The following POLK variants were observed in gnomAD, a reference collection of about 807,000 sequenced individuals.
POLK encodes polymerase (DNA directed) kappa.
POLK carries 76 observed loss-of-function variants against 94.0 expected under a neutral mutation model. The observed-to-expected ratio is 0.81, with a 90% CI of 0.67 to 0.98. POLK has a LOEUF of 0.98. POLK is among the 50% of genes least tolerant of loss of function. POLK has a pLI of 0.00. For synonymous variants in POLK, 349 were observed against 325.4 expected (o/e 1.07, Z -0.78); for missense variants, 954 against 1,010.1 (o/e 0.94, Z 0.75).
chr5:75,544,169 T>A (rs1292323051), intron 1 of POLK, among the ~76,000 whole-genome samples: 1 of 152,166 alleles, frequency 6.6e-6, no homozygotes, highest in Non-Finnish European at 1.5e-5. Flanking sequence ...AAGCAATTAA[T>A]ATATGTGAAG....
At chr5:75,550,361 C>T (rs5744593) in intron 2 of POLK, among the ~76,000 whole-genome samples, 2,175 of 152,016 alleles carry the variant, frequency 0.014, 50 homozygotes, top group African/African-American at 0.049. Flanking sequence ...GGTGGATCAC[C>T]GGAGGTCAGG....
At chr5:75,590,505 AG>A (rs1561407073) in intron 11 of POLK, 65 bp downstream of exon 11, 1 of 865,672 alleles carries the variant, frequency 1.2e-6, no homozygotes, top group Admixed American at 1.8e-5. Flanking sequence ...CTACCTTAAA[AG>A]CTAGAGTTAG....
chr5:75,569,541 A>G (rs2112761162), intron 4 of POLK, 49 bp downstream of exon 4: 1 of 1,477,532 alleles, frequency 6.8e-7, no homozygotes, highest in South Asian at 1.2e-5. Context: ...GTACTCAAGT[A>G]AGCTTTACTG....
chr5:75,593,805 C>A (rs946324997), intron 11 of POLK, 73 bp from the exon 12 acceptor site: 1 of 847,430 alleles, frequency 1.2e-6, no homozygotes, highest in Non-Finnish European at 1.8e-6. Flanking sequence ...GCTGTGCCAG[C>A]GCACTCCAGC....
At chr5:75,542,339 C>A (rs1183420007) in intron 1 of POLK, among the ~76,000 whole-genome samples, 1 of 151,934 alleles carries the variant, frequency 6.6e-6, no homozygotes, top group Non-Finnish European at 1.5e-5. Flanking sequence ...CTCTCCCTTT[C>A]CCCCATCCCC....
At chr5:75,525,409 T>A (rs1214890802) in intron 1 of POLK, among the ~76,000 whole-genome samples, 3 of 151,874 alleles carry the variant, frequency 2.0e-5, no homozygotes, top group Non-Finnish European at 4.4e-5. Flanking sequence ...AATAGCAAAA[T>A]GGAAATGACA....
chr5:75,577,003 A>G, intron 6 of POLK, 70 bp downstream of exon 6: 1 of 914,334 alleles, frequency 1.1e-6, no homozygotes, highest in Non-Finnish European at 1.6e-6. Flanking sequence ...CTTTGAATTA[A>G]TCCAATTAAT....
At chr5:75,603,167 C>G (rs1391730081), downstream of POLK, among the ~76,000 whole-genome samples, 1 of 152,176 alleles carries the variant, frequency 6.6e-6, no homozygotes, top group African/African-American at 2.4e-5. Flanking sequence ...TTGTTTACTA[C>G]TCCTTACTTT....
chr5:75,555,024 T>C (rs1405468686), intron 3 of POLK, among the ~76,000 whole-genome samples: 1 of 152,132 alleles, frequency 6.6e-6, no homozygotes, highest in East Asian at 1.9e-4. Context: ...CACAGCAAAA[T>C]TGAATAAAAG....
upstream of POLK, among the ~76,000 whole-genome samples, chr5:75,510,817 T>C (rs1392268927): frequency 2.0e-5 from 3 of 152,098 alleles, no homozygotes; most frequent in African/African-American, 7.2e-5. Flanking sequence ...CCCGGATTCC[T>C]TACACCCGGG....
intron 1 of POLK, among the ~76,000 whole-genome samples, chr5:75,545,468 G>A (rs1259543493): frequency 6.6e-6 from 1 of 152,112 alleles, no homozygotes. Flanking sequence ...GTTATGATGG[G>A]CAATTCATTC....
intron 8 of POLK, among the ~76,000 whole-genome samples, chr5:75,583,827 C>G (rs1158757779): frequency 1.3e-5 from 2 of 151,744 alleles, no homozygotes; most frequent in African/African-American, 4.8e-5. Flanking sequence ...AATATTTTGC[C>G]ATTTTTAAAA....
chr5:75,592,560 T>C (rs1238253489), intron 11 of POLK, among the ~76,000 whole-genome samples: 5 of 151,710 alleles, frequency 3.3e-5, no homozygotes, highest in Admixed American at 6.6e-5. Flanking sequence ...CTAAAAATGG[T>C]GGCGGGCACC....
At chr5:75,542,928 G>A (rs1472952024) in intron 1 of POLK, among the ~76,000 whole-genome samples, 1 of 150,294 alleles carries the variant, frequency 6.7e-6, no homozygotes, top group Admixed American at 6.7e-5. Context: ...GGCCAGGCTG[G>A]TCTCGAACCC....
At chr5:75,581,541 T>C in intron 7 of POLK, 93 bp downstream of exon 7, 1 of 1,071,036 alleles carries the variant, frequency 9.3e-7, no homozygotes, top group Non-Finnish European at 1.4e-6. Flanking sequence ...ATAAAGTATA[T>C]AGTAACATTT....
At chr5:75,568,076 A>G (rs553194409) in intron 3 of POLK, among the ~76,000 whole-genome samples, 100 of 152,320 alleles carry the variant, frequency 6.6e-4, no homozygotes, top group Admixed American at 6.5e-3. Flanking sequence ...AAAAAGCCAC[A>G]TATACACCTA....
chr5:75,521,614 T>C lies in POLK; in HGVS notation c.-14+9700T>C, dbSNP rs75104496. Reference sequence around the variant, plus strand: ...AGTCACTGGTTCCTTGCTTTGTCCATTTGAGGAGATAATGGTTTGCTGTTG... The same window carrying C: ...AGTCACTGGTTCCTTGCTTTGTCCACTTGAGGAGATAATGGTTTGCTGTTG... On this transcript the variant is annotated intron_variant, in intron 1 of 14. Transcript: ENST00000241436. Among the ~76,000 whole-genome samples the C allele has an allele frequency of 7.4e-4, 112 of 152,290 alleles. 3 individuals are homozygous for C. The East Asian group carries it at 0.018, about 24-fold the overall frequency.
intron 1 of POLK, among the ~76,000 whole-genome samples, chr5:75,513,750 A>T (rs971027038): frequency 6.6e-6 from 1 of 152,198 alleles, no homozygotes; most frequent in Non-Finnish European, 1.5e-5. Context: ...AAAATCTTTT[A>T]GTCTAAAAAG....
chr5:75,571,250 A>T (rs1220630789), intron 4 of POLK, among the ~76,000 whole-genome samples: 2 of 152,222 alleles, frequency 1.3e-5, no homozygotes, highest in African/African-American at 4.8e-5. Flanking sequence ...TATTAAACAT[A>T]TGAAAGTATA....
Sources: gnomAD v4.1 joint callset for allele counts (sites outside exome capture counted in the v4.1 genomes callset) on GRCh38, gnomAD v4.1.1 for gene constraint, MANE v1.5 for transcripts, NCBI Gene and HGNC (gene_info 2026-07-23, HGNC 2026-07-21) for gene names.